The following CNBD1 variants were observed in gnomAD, a reference collection of about 807,000 sequenced individuals.
CNBD1 encodes the protein cyclic nucleotide binding domain containing 1.
A neutral mutation model predicts 54.4 loss-of-function variants in CNBD1; 71 were observed. The ratio of observed to expected loss-of-function variants is 1.30; its 90% CI spans 1.08 to 1.59. CNBD1 has a LOEUF of 1.59. Ranked by LOEUF, CNBD1 falls within the 40% of genes most tolerant of loss-of-function variation. The probability of loss-of-function intolerance (pLI) is 0.00; values close to 1 mark genes in which losing one functional copy is unlikely to be tolerated. For synonymous variants in CNBD1, 182 were observed against 170.7 expected, an observed-to-expected ratio of 1.07 and a Z score of -0.51; for missense variants, 659 against 518.0, an observed-to-expected ratio of 1.27 and a Z score of -2.64.
At chr8:87,400,244 A>G (rs575708467) in intron 2 of CNBD1, among the ~76,000 whole-genome samples, 5 of 152,068 alleles carry the variant, frequency 3.3e-5, no homozygotes, top group Non-Finnish European at 7.4e-5. Flanking sequence ...CATTTTTGCC[A>G]TTACTTTTAA....
At chr8:86,909,686 C>T (rs1809072520) in intron 3 of CNBD1, among the ~76,000 whole-genome samples, 1 of 152,154 alleles carries the variant, frequency 6.6e-6, no homozygotes, top group Non-Finnish European at 1.5e-5. Context: ...TGAACATTTA[C>T]TCAAATTTAT....
At chr8:87,361,769 G>T (rs1022429574) in intron 10 of CNBD1, among the ~76,000 whole-genome samples, 4 of 150,352 alleles carry the variant, frequency 2.7e-5, no homozygotes, top group African/African-American at 4.9e-5. Context: ...AACTACTTAT[G>T]TATCAATTGG....
intron 8 of CNBD1, among the ~76,000 whole-genome samples, chr8:87,316,886 A>T (rs897680859): frequency 3.3e-5 from 5 of 151,936 alleles, no homozygotes; most frequent in African/African-American, 1.2e-4. Flanking sequence ...ATTTATTATT[A>T]TATAAATATT....
rs189497776 is a variant in CNBD1, at chr8:87,035,453, A to C, written c.431+95699A>C. On this transcript the variant is annotated intron_variant, in intron 4 of 10. Coordinates refer to ENST00000518476, the MANE Select transcript of CNBD1 (RefSeq NM_173538.3). ...TGCTTTAGAATAGTTTAAATAACAA[A>C]CTTTCTTAAACTTTATTACATATAC... is the stretch of plus-strand genomic sequence containing the variant. 2.9e-3 allele frequency among the ~76,000 whole-genome samples: 449 copies of C among 152,316 alleles called. 5 individuals are homozygous for C. Among genetic ancestry groups the C allele is most frequent in the Non-Finnish European group, 4.3e-3 (293 of 68,022 alleles).
intron 6 of CNBD1, among the ~76,000 whole-genome samples, chr8:87,267,846 A>G (rs531707335): frequency 2.0e-5 from 3 of 152,306 alleles, no homozygotes; most frequent in African/African-American, 7.2e-5. Flanking sequence ...TAGTTAAGAA[A>G]CTTAATCTCT....
intron 10 of CNBD1, among the ~76,000 whole-genome samples, chr8:87,378,264 T>C (rs1258814267): frequency 2.1e-5 from 3 of 144,644 alleles, no homozygotes; most frequent in Non-Finnish European, 4.5e-5. Context: ...CTAGGTTTTC[T>C]TCTAGGGTTT....
intron 8 of CNBD1, among the ~76,000 whole-genome samples, chr8:87,297,515 T>A (rs1009881993): frequency 6.6e-6 from 1 of 152,166 alleles, no homozygotes; most frequent in Non-Finnish European, 1.5e-5. Context: ...TTTAAATCTG[T>A]GTAAAGATTA....
At chr8:87,022,564 G>C (rs1053177357) in intron 4 of CNBD1, among the ~76,000 whole-genome samples, 2 of 152,196 alleles carry the variant, frequency 1.3e-5, no homozygotes, top group Non-Finnish European at 2.9e-5. Flanking sequence ...GCTTTCAAGT[G>C]TGTGCTTGAC....
intron 6 of CNBD1, among the ~76,000 whole-genome samples, chr8:87,239,976 C>A (rs970176092): frequency 1.3e-5 from 2 of 151,394 alleles, no homozygotes; most frequent in African/African-American, 4.9e-5. Flanking sequence ...TTTTATTTTT[C>A]CAATTAGTCT....
chr8:86,918,049 CTATT>C (rs1163758576), intron 3 of CNBD1, among the ~76,000 whole-genome samples: 1 of 152,076 alleles, frequency 6.6e-6, no homozygotes, highest in Non-Finnish European at 1.5e-5. Flanking sequence ...TACCACTAAT[CTATT>C]TAGCTATTAA....
At chr8:87,358,789 C>A (rs932864766) in intron 10 of CNBD1, among the ~76,000 whole-genome samples, 1 of 152,056 alleles carries the variant, frequency 6.6e-6, no homozygotes, top group Admixed American at 6.6e-5. Flanking sequence ...CTGGAGAGGG[C>A]AGACAGGAGG....
chr8:86,921,884 C>T (rs1809280676), intron 3 of CNBD1, among the ~76,000 whole-genome samples: 1 of 152,098 alleles, frequency 6.6e-6, no homozygotes, highest in African/African-American at 2.4e-5. Flanking sequence ...GAGAGGGCCT[C>T]TGTGCTCAGA....
chr8:87,068,703 A>G (rs79984535), intron 4 of CNBD1, among the ~76,000 whole-genome samples: 1 of 152,102 alleles, frequency 6.6e-6, no homozygotes, highest in South Asian at 2.1e-4. Flanking sequence ...CTGTTTAGGT[A>G]GAGCATTATT....
intron 4 of CNBD1, among the ~76,000 whole-genome samples, chr8:86,971,407 G>A (rs1234137676): frequency 1.3e-5 from 2 of 152,138 alleles, no homozygotes; most frequent in Non-Finnish European, 1.5e-5. Context: ...AATTTGAGAT[G>A]AGATTTGGGT....
chr8:87,145,613 T>TAGCA (rs1456939459), intron 4 of CNBD1, among the ~76,000 whole-genome samples: 6 of 152,170 alleles, frequency 3.9e-5, no homozygotes, highest in African/African-American at 1.4e-4. Context: ...TGAAAAACCA[T>TAGCA]AGCATATAAG....
At position 87,124,622 on chromosome 8, in the gene CNBD1, C is replaced by T. The variant is rs571379443; in HGVS notation, c.432-81371C>T. Reference sequence around the variant, plus strand: ...AACACCCTTTTATGGAAAAAGTTTTCAACAGCTTAGATATAGAGGGAGTGT... The same window carrying T: ...AACACCCTTTTATGGAAAAAGTTTTTAACAGCTTAGATATAGAGGGAGTGT... On this transcript the variant is annotated intron_variant, in intron 4 of 10. Transcript: ENST00000518476. Among the ~76,000 whole-genome samples the T allele has an allele frequency of 7.9e-5, 12 of 151,730 alleles. No homozygotes were observed. In the South Asian group the frequency reaches 2.5e-3, roughly 31 times the overall value.
intron 6 of CNBD1, among the ~76,000 whole-genome samples, chr8:87,271,365 T>C (rs188199543): frequency 1.4e-4 from 21 of 152,056 alleles, no homozygotes; most frequent in Admixed American, 1.1e-3. Context: ...TTTTCAACTT[T>C]TTGAAACAGG....
At chr8:86,880,163 G>A (rs532904957) in intron 1 of CNBD1, among the ~76,000 whole-genome samples, 1 of 151,998 alleles carries the variant, frequency 6.6e-6, no homozygotes, top group Non-Finnish European at 1.5e-5. Flanking sequence ...ATTGAGCTGT[G>A]GCAAGCATGT....
intron 8 of CNBD1, among the ~76,000 whole-genome samples, chr8:87,312,656 C>T (rs991447898): frequency 6.6e-6 from 1 of 151,894 alleles, no homozygotes; most frequent in African/African-American, 2.4e-5. Context: ...ATTAATTTTC[C>T]ATAATATCAT....
Sources: allele counts gnomAD v4.1 joint callset (sites outside exome capture counted in the v4.1 genomes callset), GRCh38; gene constraint gnomAD v4.1.1; transcripts MANE v1.5; gene names NCBI Gene and HGNC (gene_info 2026-07-23, HGNC 2026-07-21).